Variants in CDKN2B-AS1 observed in about 807,000 individuals in gnomAD.
CDKN2B-AS1 encodes the protein CDKN2B antisense RNA 1 (non-protein coding).
rs370749305 is a variant in CDKN2B-AS1 at position 22,015,163 on chromosome 9, T to C, written n.29+20002T>C. On this transcript the variant is annotated intron_variant and non_coding_transcript_variant, in intron 1 of 4. Coordinates refer to ENST00000650946, the Ensembl canonical transcript of CDKN2B-AS1. ...CTGGGTCAAATGGTATTTCTAGTTC[T>C]AGATCCCTGAGAAATCGCCACACTG... 3.9e-5 allele frequency among the ~76,000 whole-genome samples: 6 copies of C among 152,266 alleles called. No individual in the cohort carries two copies. The South Asian group carries it at 1.0e-3, about 26-fold the overall frequency.
chr9:22,057,881 C>G (rs961876030), intron 4 of CDKN2B-AS1, among the ~76,000 whole-genome samples: 4 of 151,960 alleles, frequency 2.6e-5, no homozygotes, highest in Admixed American at 2.6e-4. Context: ...TTTGAGAGGC[C>G]AAGGCGGGTG....
intron 4 of CDKN2B-AS1, among the ~76,000 whole-genome samples, chr9:22,078,972 A>T (rs868417251): frequency 1.3e-5 from 2 of 152,210 alleles, no homozygotes; most frequent in Non-Finnish European, 2.9e-5. Flanking sequence ...TCCCACAGAG[A>T]ACTGAAAAAG....
At chr9:22,095,844 G>A (rs1587525638) in intron 4 of CDKN2B-AS1, among the ~76,000 whole-genome samples, 1 of 150,212 alleles carries the variant, frequency 6.7e-6, no homozygotes, top group African/African-American at 2.5e-5. Flanking sequence ...TTATGTAATG[G>A]CCTTCTTTGT....
chr9:22,105,081 A>G lies in CDKN2B-AS1; in HGVS notation n.439-22022A>G, dbSNP rs74394188. On this transcript the variant is annotated intron_variant and non_coding_transcript_variant, in intron 4 of 4. Coordinates refer to ENST00000650946, the Ensembl canonical transcript of CDKN2B-AS1. ...TGGGTCCTTAACCACCTACTCACCA[A>G]TTTGAAGAAAGATGATTGAAACTGC... is the stretch of plus-strand genomic sequence containing the variant. Among the ~76,000 whole-genome samples, 986 of 152,322 alleles carry G rather than the reference A, an allele frequency of 6.5e-3. 35 individuals are homozygous for G. The highest frequency in any genetic ancestry group is 0.049 in the Admixed American group (756 of 15,298).
At chr9:22,009,312 C>T (rs929436004) in intron 1 of CDKN2B-AS1, 13 of 422,820 alleles carry the variant, frequency 3.1e-5, no homozygotes, top group African/African-American at 2.5e-4. Context: ...GAGTGGGGAG[C>T]CAGCCGGCAA....
intron 4 of CDKN2B-AS1, among the ~76,000 whole-genome samples, chr9:22,085,760 A>G (rs1824850885): frequency 1.3e-5 from 2 of 149,648 alleles, no homozygotes; most frequent in Non-Finnish European, 3.0e-5. Flanking sequence ...TTTATATCTC[A>G]GGGTATCTTG....
At chr9:22,078,703 T>C (rs1250937373) in intron 4 of CDKN2B-AS1, among the ~76,000 whole-genome samples, 1 of 152,220 alleles carries the variant, frequency 6.6e-6, no homozygotes, top group Non-Finnish European at 1.5e-5. Flanking sequence ...AACAAATTCT[T>C]AGAGTGTCTG....
At position 22,111,945 on chromosome 9, in the gene CDKN2B-AS1, T is replaced by C. The variant is rs1825815574; in HGVS notation, n.439-15158T>C. Reference sequence around the variant, plus strand: ...TAGTGTTAAAGCTCTGATTTTGACATGAAAGGAATAAAAATGGAAGTCCAG... The same window carrying C: ...TAGTGTTAAAGCTCTGATTTTGACACGAAAGGAATAAAAATGGAAGTCCAG... On this transcript the variant is annotated intron_variant and non_coding_transcript_variant, in intron 4 of 4. Transcript: ENST00000650946. The C allele has an allele frequency of 2.6e-5, 4 of 152,142 alleles. No homozygotes were observed. In the South Asian group the frequency reaches 8.3e-4, roughly 31 times the overall value. The allele number at this position is 152,142 out of a possible 1,614,324, so 9.4% of individuals were successfully genotyped here. A position where few individuals can be genotyped will look rare whatever the true frequency, so the allele number is the denominator to read the frequency against.
At chr9:22,031,364 A>G (rs1822461617) in intron 1 of CDKN2B-AS1, among the ~76,000 whole-genome samples, 1 of 152,208 alleles carries the variant, frequency 6.6e-6, no homozygotes, top group Admixed American at 6.5e-5. Flanking sequence ...AACATACATT[A>G]TTCTCATTAG....
chr9:22,059,239 G>A (rs1823703142), intron 4 of CDKN2B-AS1, among the ~76,000 whole-genome samples: 1 of 152,154 alleles, frequency 6.6e-6, no homozygotes, highest in East Asian at 1.9e-4. Flanking sequence ...AGTCCCTTCT[G>A]CCTATGAGCC....
chr9:22,039,687 A>G lies in CDKN2B-AS1; in HGVS notation n.30-7064A>G, dbSNP rs914436444. Among the ~76,000 whole-genome samples, 3 of 152,014 alleles carry G rather than the reference A, an allele frequency of 2.0e-5. No individual in the cohort carries two copies. Among genetic ancestry groups the G allele is most frequent in the Non-Finnish European group, 2.9e-5 (2 of 67,950 alleles). On this transcript the variant is annotated intron_variant and non_coding_transcript_variant, in intron 1 of 4. Coordinates refer to ENST00000650946, the Ensembl canonical transcript of CDKN2B-AS1. This position sits in a 1 kb window ranked among gnomAD's most constrained non-coding sequence, Gnocchi z 4.4. The stretch of plus-strand genomic sequence containing the variant: ...GTAAGAAGTGGCTGAGCAATTAGCT[A>G]TGGCACACTGCACGGTTTTTCTGAC...
intron 4 of CDKN2B-AS1, among the ~76,000 whole-genome samples, chr9:22,081,658 A>G (rs889869356): frequency 6.6e-6 from 1 of 152,204 alleles, no homozygotes; most frequent in South Asian, 2.1e-4. Context: ...TCCCCCTTCA[A>G]GTGCTTTCAT....
rs1421046168 is a variant in CDKN2B-AS1, at chr9:22,000,762, A to G, written n.29+5601A>G. 6.6e-6 allele frequency among the ~76,000 whole-genome samples: 1 copy of G among 152,218 alleles called. No individual in the cohort carries two copies. Among genetic ancestry groups the G allele is most frequent in the Non-Finnish European group, 1.5e-5 (1 of 68,022 alleles). On this transcript the variant is annotated intron_variant and non_coding_transcript_variant, in intron 1 of 4. Transcript: ENST00000650946. This position sits in a 1 kb window ranked among gnomAD's most constrained non-coding sequence, Gnocchi z 4.1. Reference sequence around the variant, plus strand: ...AATATATTCTAAAATATATAATAACAAACAATAACAGTACTTGCAGCTTAA... The same window carrying G: ...AATATATTCTAAAATATATAATAACGAACAATAACAGTACTTGCAGCTTAA...
intron 4 of CDKN2B-AS1, among the ~76,000 whole-genome samples, chr9:22,080,998 T>A (rs1246209771): frequency 6.6e-6 from 1 of 152,224 alleles, no homozygotes; most frequent in African/African-American, 2.4e-5. Flanking sequence ...AAGAGTTTAA[T>A]CTCCACTCCG....
rs557684896 is a variant in CDKN2B-AS1 at position 22,016,352 on chromosome 9, C to T, written n.29+21191C>T. On this transcript the variant is annotated intron_variant and non_coding_transcript_variant, in intron 1 of 4. Coordinates refer to ENST00000650946, the Ensembl canonical transcript of CDKN2B-AS1. ...GCTTATGGATAGGAAGAATCAATAT[C>T]GTGAAAATGGCCATACTGCCCAAGG... Among the ~76,000 whole-genome samples the T allele has an allele frequency of 2.6e-3, 397 of 152,220 alleles. 3 individuals are homozygous for T. The highest frequency in any genetic ancestry group is 9.0e-3 in the African/African-American group (373 of 41,526).
At chr9:22,049,076 C>T (rs1284786823) in intron 2 of CDKN2B-AS1, 1 of 152,096 alleles carries the variant, frequency 6.6e-6, no homozygotes, top group Non-Finnish European at 1.5e-5. Flanking sequence ...TATCTAATGA[C>T]TAGGCTAATA....
rs375017546 is a variant in CDKN2B-AS1 at position 22,070,206 on chromosome 9, G to A, written n.438+13819G>A. Among the ~76,000 whole-genome samples, 61 of 152,242 alleles carry A rather than the reference G, an allele frequency of 4.0e-4. No individual in the cohort carries two copies. In the East Asian group the frequency reaches 5.4e-3, roughly 13 times the overall value. Reference sequence around the variant, plus strand: ...AAATTGTGTTTTAGATGACAGAACAGGAGTCAGTAATGTTCCAGTTTGGAG... The same window carrying A: ...AAATTGTGTTTTAGATGACAGAACAAGAGTCAGTAATGTTCCAGTTTGGAG... On this transcript the variant is annotated intron_variant and non_coding_transcript_variant, in intron 4 of 4. Coordinates refer to ENST00000650946, the Ensembl canonical transcript of CDKN2B-AS1.
intron 1 of CDKN2B-AS1, chr9:22,008,534 C>T: frequency 4.8e-6 from 4 of 826,128 alleles, no homozygotes; most frequent in Non-Finnish European, 7.3e-6. Context: ...CTTTTCTCCC[C>T]AATTCAGTCT....
At chr9:22,121,040 A>T (rs1013206168) in intron 4 of CDKN2B-AS1, 1 of 152,200 alleles carries the variant, frequency 6.6e-6, no homozygotes, top group Admixed American at 6.5e-5. Flanking sequence ...AATGATTTTA[A>T]CAACTATGCT....
Sources: allele counts gnomAD v4.1 joint callset (sites outside exome capture counted in the v4.1 genomes callset), GRCh38; gene constraint gnomAD v4.1.1; non-coding constraint Gnocchi (gnomAD v3.1); transcripts MANE v1.5; gene names NCBI Gene and HGNC (gene_info 2026-07-23, HGNC 2026-07-21).